CCNB2: variants seen among roughly 807,000 people sequenced by gnomAD.
CCNB2 encodes cyclin B2.
A neutral mutation model predicts 51.1 loss-of-function variants in CCNB2; 39 were observed. The observed-to-expected ratio is 0.76, with a 90% confidence interval of 0.59 to 1.00. The LOEUF is 1.00. Among genes scored for constraint, CCNB2 ranks in the 50% least tolerant of loss-of-function variants. The pLI is 0.00. For synonymous variants in CCNB2, 174 were observed against 165.5 expected (o/e 1.05, Z -0.40); for missense variants, 472 against 470.3 (o/e 1.00, Z -0.03).
chr15:59,122,938 G>T (rs928865396), intron 7 of CCNB2, among the ~76,000 whole-genome samples: 19 of 152,202 alleles, frequency 1.2e-4, no homozygotes, highest in African/African-American at 3.4e-4. Context: ...GCTTGGTGTG[G>T]TAGTGTCTAA....
chr15:59,114,626 T>C lies in CCNB2; in HGVS notation c.438+12T>C. ...TCAGGCAGCTGGAGGTAGGTGGGCC[T>C]TTGTGTTTTGGTTGTATAAGCAATG... is the stretch of plus-strand genomic sequence containing the variant. On this transcript the variant is annotated intron_variant, in intron 4 of 8. Coordinates refer to ENST00000288207, the MANE Select transcript of CCNB2 (RefSeq NM_004701.4). 6.3e-7 allele frequency: 1 copy of C among 1,586,490 alleles called. No homozygotes were observed. Among genetic ancestry groups the C allele is most frequent in the Non-Finnish European group, 8.6e-7 (1 of 1,162,374 alleles).
chr15:59,105,407 C>T lies in CCNB2; in HGVS notation c.24+115C>T, dbSNP rs1423048664. ...TCCCAACCGGGGCTGCTTTTCTCTTCTCCGGAGCTCACTGCTTCGCCCGCG... is the reference window on the plus strand; with the variant it reads ...TCCCAACCGGGGCTGCTTTTCTCTTTTCCGGAGCTCACTGCTTCGCCCGCG... On this transcript the variant is annotated intron_variant, in intron 1 of 8. Coordinates refer to ENST00000288207, the MANE Select transcript of CCNB2 (RefSeq NM_004701.4). 4.2e-6 allele frequency: 5 copies of T among 1,185,036 alleles called. No individual in the cohort carries two copies. The East Asian group carries it at 1.3e-4, about 31-fold the overall frequency. 73.4% of individuals were successfully genotyped at this position (1,185,036 alleles called of 1,614,324 possible).
rs547711236 is a variant in CCNB2 at position 59,119,917 on chromosome 15, A to G, written c.975+2549A>G. ...GAGATTAGCTCTCCCTGTGTTGCCC[A>G]GGCTGGTCTCGAACTCCTAGGCTCA... On this transcript the variant is annotated intron_variant, in intron 7 of 8. Transcript: ENST00000288207. Among the ~76,000 whole-genome samples, 15 of 152,206 alleles carry G rather than the reference A, an allele frequency of 9.9e-5. No homozygotes were observed. In the South Asian group the frequency reaches 3.1e-3, roughly 32 times the overall value.
chr15:59,111,213 A>C (rs2140286623), intron 3 of CCNB2, among the ~76,000 whole-genome samples: 1 of 152,270 alleles, frequency 6.6e-6, no homozygotes, highest in Non-Finnish European at 1.5e-5. Context: ...TGACTGCTTG[A>C]TTGATGGAGA....
rs771940160 is a variant in CCNB2, at chr15:59,105,227, C to T, written c.-42C>T. On this transcript the variant is annotated 5_prime_UTR_variant, in exon 1 of 9. Coordinates refer to ENST00000288207, the MANE Select transcript of CCNB2 (RefSeq NM_004701.4). ...GTGTCCTCCCTTTTCAGTCCGCGTC[C>T]CTCCCTGGGCCGGGCTGGCACTCTT... The T allele has an allele frequency of 7.7e-6, 12 of 1,549,444 alleles. No individual in the cohort carries two copies. Among genetic ancestry groups the T allele is most frequent in the African/African-American group, 5.5e-5 (4 of 73,306 alleles).
Position 59,107,417 on chromosome 15 carries a change from TAG to T in CCNB2, c.123_124del (p.Arg41SerfsTer10), listed in dbSNP as rs769581400. On this transcript the variant is annotated frameshift_variant, in exon 2 of 9. Transcript: ENST00000288207. LOFTEE classifies it high-confidence loss of function. The part of the protein sequence containing the change: ...RRTVLEEIGN[R>X]VTTRAAQVAK... ...GAACTGTTTTAGAAGAAATTGGAAA[TAG>T]AGTTACAACCAGAGCAGCACAAGTA... 3.7e-6 allele frequency: 6 copies of T among 1,613,430 alleles called. No individual in the cohort carries two copies. Among genetic ancestry groups the T allele is most frequent in the Non-Finnish European group, 5.1e-6 (6 of 1,179,964 alleles).
At chr15:59,110,345 T>C (rs2079253024) in intron 3 of CCNB2, among the ~76,000 whole-genome samples, 1 of 152,336 alleles carries the variant, frequency 6.6e-6, no homozygotes, top group Middle Eastern at 3.4e-3. Context: ...TTAGAAGTTA[T>C]GAGGAATTAA....
At chr15:59,115,459 A>T (rs1318371697) in intron 5 of CCNB2, 2 of 152,516 alleles carry the variant, frequency 1.3e-5, no homozygotes, top group African/African-American at 4.8e-5. Context: ...CAGCATATTT[A>T]TGAGTGGGTA....
intron 7 of CCNB2, among the ~76,000 whole-genome samples, chr15:59,119,467 A>AAAC (rs2079293070): frequency 6.6e-6 from 1 of 150,910 alleles, no homozygotes; most frequent in African/African-American, 2.5e-5. Context: ...CTCCAAAAAA[A>AAAC]AAAAAAAAAA....
At chr15:59,124,543 T>A (rs2079317066) in intron 8 of CCNB2, 4 of 531,136 alleles carry the variant, frequency 7.5e-6, no homozygotes, top group South Asian at 6.4e-5. Flanking sequence ...AAATCATTTG[T>A]TCCTATCACC....
chr15:59,112,138 C>T (rs561652528), intron 3 of CCNB2, among the ~76,000 whole-genome samples: 5 of 152,230 alleles, frequency 3.3e-5, no homozygotes, highest in African/African-American at 1.2e-4. Flanking sequence ...AGGTGTGAGC[C>T]ACCGCACTTG....
At chr15:59,109,244 T>TC (rs1289436981) in intron 3 of CCNB2, among the ~76,000 whole-genome samples, 2 of 152,100 alleles carry the variant, frequency 1.3e-5, no homozygotes, top group Non-Finnish European at 2.9e-5. Context: ...CTGGCTGGTC[T>TC]CCAACTCTTG....
At chr15:59,117,029 G>T in intron 6 of CCNB2, 103 bp downstream of exon 6, 1 of 1,075,328 alleles carries the variant, frequency 9.3e-7, no homozygotes, top group Admixed American at 2.1e-5. Context: ...GCTTCCTTTA[G>T]GTAAGTCTTA....
intron 7 of CCNB2, among the ~76,000 whole-genome samples, chr15:59,118,692 A>G (rs543250368): frequency 7.9e-5 from 12 of 152,298 alleles, no homozygotes; most frequent in African/African-American, 2.9e-4. Flanking sequence ...TCCAAAAAAA[A>G]TATAAAAAAG....
At chr15:59,122,256 T>TTTTTTTTG (rs2079305804) in intron 7 of CCNB2, among the ~76,000 whole-genome samples, 1 of 137,548 alleles carries the variant, frequency 7.3e-6, no homozygotes, top group Non-Finnish European at 1.6e-5. Flanking sequence ...TTTTTTTTTT[T>TTTTTTTTG]TTTTTTTTTT....
chr15:59,118,440 T>C (rs2079288025), intron 7 of CCNB2, among the ~76,000 whole-genome samples: 1 of 152,170 alleles, frequency 6.6e-6, no homozygotes, highest in Non-Finnish European at 1.5e-5. Flanking sequence ...CCCAGCACTT[T>C]GGGAAGCCAA....
intron 5 of CCNB2, chr15:59,116,086 G>C (rs2079277597): frequency 7.0e-6 from 1 of 143,844 alleles, no homozygotes; most frequent in South Asian, 2.2e-4. Context: ...AGTTTGGGAG[G>C]AAAAAAAAAA....
chr15:59,118,115 C>T (rs868625342), intron 7 of CCNB2, among the ~76,000 whole-genome samples: 1 of 152,152 alleles, frequency 6.6e-6, no homozygotes. Flanking sequence ...GTCAAGCACA[C>T]AAGACAAAGG....
In CCNB2 at chr15:59,107,499, G is replaced by C. The variant is rs1473398563; in HGVS notation, c.153+49G>C. ...TGAATACAGAGGCCGATTCTGTATAGTGCTGAGTCCCACAACGCTGGCTGT... is the reference window on the plus strand; with the variant it reads ...TGAATACAGAGGCCGATTCTGTATACTGCTGAGTCCCACAACGCTGGCTGT... On this transcript the variant is annotated intron_variant, in intron 2 of 8. Coordinates refer to ENST00000288207, the MANE Select transcript of CCNB2 (RefSeq NM_004701.4). 3.7e-6 allele frequency: 6 copies of C among 1,613,244 alleles called. No homozygotes were observed. The Admixed American group carries it at 1.0e-4, about 27-fold the overall frequency.
Sources: gnomAD v4.1 joint callset for allele counts (sites outside exome capture counted in the v4.1 genomes callset) on GRCh38, gnomAD v4.1.1 for gene constraint, MANE v1.5 for transcripts, NCBI Gene and HGNC (gene_info 2026-07-23, HGNC 2026-07-21) for gene names.